Variants in ALDH1A3 observed in about 807,000 individuals in gnomAD.
ALDH1A3 encodes the protein retinaldehyde dehydrogenase 3.
ALDH1A3 carries 28 observed loss-of-function variants against 57.5 expected under a neutral mutation model. The observed-to-expected ratio is 0.49, with a 90% CI of 0.36 to 0.67. ALDH1A3 has a LOEUF of 0.67. Ranked by LOEUF, ALDH1A3 falls within the 30% of genes least tolerant of loss-of-function variation. ALDH1A3 has a pLI of 0.00. For synonymous variants in ALDH1A3, 281 were observed against 264.8 expected, an observed-to-expected ratio of 1.06 and a Z score of -0.59; for missense variants, 507 against 669.4, an observed-to-expected ratio of 0.76 and a Z score of 2.68.
chr15:100,887,777 T>A lies in ALDH1A3; in HGVS notation c.345+65T>A. The A allele has an allele frequency of 2.7e-6, 4 of 1,493,326 alleles. No individual in the cohort carries two copies. In the South Asian group the frequency reaches 5.4e-5, roughly 20 times the overall value. 92.5% of individuals were successfully genotyped at this position (1,493,326 alleles called of 1,614,324 possible). On this transcript the variant is annotated intron_variant, in intron 3 of 12. Coordinates refer to ENST00000329841, the MANE Select transcript of ALDH1A3 (RefSeq NM_000693.4). This position sits in a 1 kb window ranked among gnomAD's most constrained non-coding sequence, Gnocchi z 4.6. Reference sequence around the variant, plus strand: ...GCCTCACTGAGGGTCCTGTCCACCATGGGGTATGGGAAAAAAGATCACGGT... The same window carrying A: ...GCCTCACTGAGGGTCCTGTCCACCAAGGGGTATGGGAAAAAAGATCACGGT...
intron 7 of ALDH1A3, among the ~76,000 whole-genome samples, 184 bp from the exon 8 acceptor site, chr15:100,897,899 A>G (rs987701208): frequency 6.6e-6 from 1 of 152,280 alleles, no homozygotes; most frequent in African/African-American, 2.4e-5. Context: ...ATGGTCTGGC[A>G]TGGGAGGAGA....
intron 6 of ALDH1A3, chr15:100,895,010 A>G (rs892701795): frequency 6.6e-6 from 1 of 152,224 alleles, no homozygotes; most frequent in Non-Finnish European, 1.5e-5. Flanking sequence ...CCTGATAAAG[A>G]GGCTTAGTAT....
chr15:100,903,056 G>T (rs920762312), intron 9 of ALDH1A3, among the ~76,000 whole-genome samples: 2 of 152,206 alleles, frequency 1.3e-5, no homozygotes, highest in Non-Finnish European at 2.9e-5. Context: ...CTGTTGCAAA[G>T]CTGTTTTTGT....
chr15:100,880,010 A>G lies in ALDH1A3; in HGVS notation c.99+4A>G. 1 of 1,458,274 alleles carries G rather than the reference A, an allele frequency of 6.9e-7. No individual in the cohort carries two copies. Among genetic ancestry groups the G allele is most frequent in the Non-Finnish European group, 9.1e-7 (1 of 1,101,090 alleles). 90.3% of individuals were successfully genotyped at this position (1,458,274 alleles called of 1,614,324 possible). ...CCTGGAGGTCAAGTTCACCAAGGTGAGGCGGGCGCCCCTCCCACCCGACGG... is the reference window on the plus strand; with the variant it reads ...CCTGGAGGTCAAGTTCACCAAGGTGGGGCGGGCGCCCCTCCCACCCGACGG... On this transcript the variant is annotated splice_donor_region_variant and intron_variant, in intron 1 of 12. Coordinates refer to ENST00000329841, the MANE Select transcript of ALDH1A3 (RefSeq NM_000693.4).
At position 100,896,196 on chromosome 15, in the gene ALDH1A3, T is replaced by C. The variant is rs146662504; in HGVS notation, c.780+150T>C. On this transcript the variant is annotated intron_variant, in intron 7 of 12. Transcript: ENST00000329841. ...ATAACAACCAGTTAAAAAAAGTCACTGGTCTAGTTTCCAAACTAAATAAAT... is the reference window on the plus strand; with the variant it reads ...ATAACAACCAGTTAAAAAAAGTCACCGGTCTAGTTTCCAAACTAAATAAAT... The C allele has an allele frequency of 1.1e-3, 655 of 607,836 alleles. 1 individual carries two copies. The African/African-American group carries it at 0.011, about 10-fold the overall frequency. The allele number at this position is 607,836 out of a possible 1,614,324, so 37.7% of individuals were successfully genotyped here. A position where few individuals can be genotyped will look rare whatever the true frequency, so the allele number is the denominator to read the frequency against.
At chr15:100,898,009 G>A in intron 7 of ALDH1A3, 74 bp from the exon 8 acceptor site, 1 of 1,427,244 alleles carries the variant, frequency 7.0e-7, no homozygotes, top group Non-Finnish European at 9.8e-7. Flanking sequence ...TGATCAGAAT[G>A]TTCACTGATG....
At chr15:100,886,022 C>T (rs1233832851) in intron 2 of ALDH1A3, among the ~76,000 whole-genome samples, 1 of 152,334 alleles carries the variant, frequency 6.6e-6, no homozygotes, top group East Asian at 1.9e-4. Flanking sequence ...AGGTAAAGCC[C>T]TTCCACTGAG....
intron 2 of ALDH1A3, among the ~76,000 whole-genome samples, chr15:100,885,671 T>A (rs557443388): frequency 1.8e-3 from 277 of 151,166 alleles, no homozygotes; most frequent in African/African-American, 6.4e-3. Flanking sequence ...TTTTTTTTTT[T>A]ATCAATTATT....
chr15:100,888,281 C>T (rs1206867133), intron 3 of ALDH1A3, among the ~76,000 whole-genome samples: 7 of 151,824 alleles, frequency 4.6e-5, no homozygotes, highest in Non-Finnish European at 1.0e-4. Context: ...ATATTTGTAA[C>T]AGAGACAGGG....
In ALDH1A3 at chr15:100,887,838, C is replaced by A; in HGVS notation, c.345+126C>A. ...TGTGGTCGTGGGTCTGTTCCATCCTCTGAGACACGGCTCTCTGGCAATACT... is the reference window on the plus strand; with the variant it reads ...TGTGGTCGTGGGTCTGTTCCATCCTATGAGACACGGCTCTCTGGCAATACT... On this transcript the variant is annotated intron_variant, in intron 3 of 12. Transcript: ENST00000329841. The surrounding 1 kb of genome is among the most constrained non-coding windows in gnomAD (Gnocchi z 4.6). 3 of 1,174,900 alleles carry A rather than the reference C, an allele frequency of 2.6e-6. No individual in the cohort carries two copies. The highest frequency in any genetic ancestry group is 3.3e-5 in the Admixed American group (1 of 29,906). 72.8% of individuals were successfully genotyped at this position (1,174,900 alleles called of 1,614,324 possible). A position where few individuals can be genotyped will look rare whatever the true frequency, so the allele number is the denominator to read the frequency against.
intron 9 of ALDH1A3, among the ~76,000 whole-genome samples, chr15:100,902,144 T>C (rs947647104): frequency 1.3e-5 from 2 of 152,246 alleles, no homozygotes; most frequent in South Asian, 2.1e-4. Flanking sequence ...GAAACTTTTT[T>C]ACCCCGTCGT....
At position 100,915,616 on chromosome 15, in the gene ALDH1A3, C is replaced by T. The variant is rs2041923881; in HGVS notation, c.*843C>T. ...TAGGATAATTCACCTCCTCATTTGA[C>T]AAATCAGAGCTGTAATTCGCTTTAA... On this transcript the variant is annotated 3_prime_UTR_variant, in exon 13 of 13. Transcript: ENST00000329841. The T allele has an allele frequency of 6.6e-6, 1 of 152,180 alleles. No individual in the cohort carries two copies. The highest frequency in any genetic ancestry group is 2.4e-5 in the African/African-American group (1 of 41,428). 9.4% of individuals were successfully genotyped at this position (152,180 alleles called of 1,614,324 possible).
chr15:100,897,494 A>C (rs1035730421), intron 7 of ALDH1A3, among the ~76,000 whole-genome samples: 2 of 151,318 alleles, frequency 1.3e-5, no homozygotes, highest in African/African-American at 4.8e-5. Flanking sequence ...TTTTCTGCTC[A>C]TAGCGCACCC....
At chr15:100,904,015 T>G (rs913379708) in intron 9 of ALDH1A3, among the ~76,000 whole-genome samples, 2 of 152,258 alleles carry the variant, frequency 1.3e-5, no homozygotes, top group African/African-American at 4.8e-5. Flanking sequence ...ATACATCTTT[T>G]CTTTTTTGGC....
intron 6 of ALDH1A3, 149 bp from the exon 7 acceptor site, chr15:100,895,784 C>A: frequency 1.5e-6 from 1 of 670,090 alleles, no homozygotes. Context: ...AGGGTGCCCA[C>A]GGTCAACTGC....
In ALDH1A3 at chr15:100,885,911, G is replaced by A. The variant is rs146802378; in HGVS notation, c.204+540G>A. ...AGCGGTAACCTTTATCACTCTATTT[G>A]CAAGTGCAAGGTCTATATAGTAATA... On this transcript the variant is annotated intron_variant, in intron 2 of 12. Coordinates refer to ENST00000329841, the MANE Select transcript of ALDH1A3 (RefSeq NM_000693.4). 4.2e-3 allele frequency among the ~76,000 whole-genome samples: 633 copies of A among 152,298 alleles called. 6 individuals are homozygous for A. The highest frequency in any genetic ancestry group is 0.014 in the African/African-American group (563 of 41,558).
In ALDH1A3 at chr15:100,887,575, G is replaced by A. The variant is rs2041608872; in HGVS notation, c.208G>A (p.Asp70Asn). 6 of 1,590,860 alleles carry A rather than the reference G, an allele frequency of 3.8e-6. No individual in the cohort carries two copies. The highest frequency in any genetic ancestry group is 5.1e-6 in the Non-Finnish European group (6 of 1,166,982). ...CTCTGTTGTTCTGGTCGCTCAGCCC[G>A]ACGTGGACAAGGCTGTGGAGGCTGC... is the stretch of plus-strand genomic sequence containing the variant. ...ICEVEEGDKPDVDKAVEAAQV... is the reference protein window; with the variant it reads ...ICEVEEGDKPNVDKAVEAAQV... The change falls in exon 3 of 13, where the codon GAC becomes AAC. Residue 70 changes from aspartate to asparagine, a missense_variant. Physicochemically the swap from Asp to Asn is conservative, Grantham distance 23. This residue lies in a region of ALDH1A3 where 432 missense variants were observed against 608.4 expected (regional missense o/e 0.71). Coordinates refer to ENST00000329841, the MANE Select transcript of ALDH1A3 (RefSeq NM_000693.4). The surrounding 1 kb of genome is among the most constrained non-coding windows in gnomAD (Gnocchi z 4.6).
At chr15:100,914,625 G>T in intron 12 of ALDH1A3, 76 bp from the exon 13 acceptor site, 1 of 1,402,830 alleles carries the variant, frequency 7.1e-7, no homozygotes, top group Admixed American at 2.0e-5. Context: ...ATGGAATGAT[G>T]AAGCCTCAGA....
intron 11 of ALDH1A3, 37 bp downstream of exon 11, chr15:100,907,315 T>C (rs1022248712): frequency 8.1e-6 from 13 of 1,595,550 alleles, no homozygotes; most frequent in African/African-American, 4.1e-5. Context: ...CTCTCCTGAG[T>C]TGCTTCTTGC....
Sources: allele counts gnomAD v4.1 joint callset (sites outside exome capture counted in the v4.1 genomes callset), GRCh38; gene constraint gnomAD v4.1.1; regional missense constraint gnomAD v4.1.1; non-coding constraint Gnocchi (gnomAD v3.1); transcripts MANE v1.5; gene names NCBI Gene and HGNC (gene_info 2026-07-23, HGNC 2026-07-21).